SLC30A8: variants seen among roughly 807,000 people sequenced by gnomAD.
The protein encoded by SLC30A8 is solute carrier family 30 member 8.
SLC30A8 carries 27 observed loss-of-function variants against 36.9 expected under a neutral mutation model. The observed-to-expected ratio is 0.73, with a 90% confidence interval of 0.54 to 1.01. The LOEUF (loss-of-function observed/expected upper bound fraction) is 1.01, where lower values mean the gene tolerates loss of function less well. SLC30A8 is among the 50% of genes least tolerant of loss of function. SLC30A8 has a pLI of 0.00. For synonymous variants in SLC30A8, 164 were observed against 172.4 expected (o/e 0.95, Z 0.38); for missense variants, 439 against 452.0 (o/e 0.97, Z 0.26).
At chr8:117,142,254 C>T (rs959280780) in intron 1 of SLC30A8, among the ~76,000 whole-genome samples, 7 of 152,062 alleles carry the variant, frequency 4.6e-5, no homozygotes, top group Non-Finnish European at 8.8e-5. Context: ...TCAAATATGA[C>T]TACTTCTTTC....
chr8:117,020,741 G>A (rs1369371789), intron 1 of SLC30A8, among the ~76,000 whole-genome samples: 3 of 152,084 alleles, frequency 2.0e-5, no homozygotes, highest in Non-Finnish European at 4.4e-5. Context: ...TATTGGTATT[G>A]TATTGTAAGA....
chr8:117,049,892 T>TG (rs902186811), intron 2 of SLC30A8, among the ~76,000 whole-genome samples: 1 of 152,192 alleles, frequency 6.6e-6, no homozygotes, highest in Non-Finnish European at 1.5e-5. Flanking sequence ...TCTCTCACTC[T>TG]GAAAAACAAT....
chr8:117,017,235 ATAT>A (rs1816549546), intron 1 of SLC30A8, among the ~76,000 whole-genome samples: 1 of 152,152 alleles, frequency 6.6e-6, no homozygotes, highest in Non-Finnish European at 1.5e-5. Flanking sequence ...GCTGTTATTA[ATAT>A]TATTATTAAA....
chr8:116,955,952 C>T (rs191861422), intron 1 of SLC30A8, among the ~76,000 whole-genome samples: 3 of 151,790 alleles, frequency 2.0e-5, no homozygotes, highest in African/African-American at 4.8e-5. Flanking sequence ...TTATGGCATC[C>T]GTAGGAAACA....
chr8:116,965,084 G>T (rs2130602508), intron 1 of SLC30A8, among the ~76,000 whole-genome samples: 1 of 152,232 alleles, frequency 6.6e-6, no homozygotes, highest in East Asian at 1.9e-4. Context: ...TTACAGGCGT[G>T]CACCATCATG....
At position 116,974,774 on chromosome 8, in the gene SLC30A8, C is replaced by G. The variant is rs1016477253; in HGVS notation, c.-266+23655C>G. Among the ~76,000 whole-genome samples the G allele has an allele frequency of 2.6e-5, 4 of 151,926 alleles. No homozygotes were observed. The East Asian group carries it at 7.7e-4, about 29-fold the overall frequency. On this transcript the variant is annotated intron_variant, in intron 1 of 10. Transcript: ENST00000427715. ...GTGGCACTATTCACAATAACAGAGACGTAGAACCAACCCAAATGTCCATCA... is the reference window on the plus strand; with the variant it reads ...GTGGCACTATTCACAATAACAGAGAGGTAGAACCAACCCAAATGTCCATCA...
chr8:117,074,164 G>A (rs919869568), intron 2 of SLC30A8, among the ~76,000 whole-genome samples: 1 of 151,030 alleles, frequency 6.6e-6, no homozygotes, highest in East Asian at 2.0e-4. Context: ...ACGCATGCAC[G>A]TTTGTGTGTG....
At chr8:117,153,723 GGTGTGTGTGTGTGTGT>G (rs59464276) in intron 3 of SLC30A8, among the ~76,000 whole-genome samples, 1 of 147,004 alleles carries the variant, frequency 6.8e-6, no homozygotes, top group African/African-American at 2.5e-5. Flanking sequence ...CATGATAAGG[GGTGTGTGTGTGTGTGT>G]GTGTGTGTGT....
At chr8:117,055,126 A>G (rs1817831274) in intron 2 of SLC30A8, among the ~76,000 whole-genome samples, 1 of 152,322 alleles carries the variant, frequency 6.6e-6, no homozygotes, top group East Asian at 1.9e-4. Flanking sequence ...CAGAGCTTGA[A>G]AGTGCGGGGT....
At chr8:117,157,248 T>C (rs1822540221) in intron 3 of SLC30A8, among the ~76,000 whole-genome samples, 1 of 152,190 alleles carries the variant, frequency 6.6e-6, no homozygotes, top group Admixed American at 6.5e-5. Context: ...TTTCACTATT[T>C]TATTCCATTG....
intron 1 of SLC30A8, among the ~76,000 whole-genome samples, chr8:117,010,590 A>T (rs569089512): frequency 2.0e-5 from 3 of 152,328 alleles, no homozygotes; most frequent in Admixed American, 2.0e-4. Flanking sequence ...TTCTACATTC[A>T]CAGATGTAAT....
intron 2 of SLC30A8, among the ~76,000 whole-genome samples, chr8:117,152,639 TCTC>T (rs1472111759): frequency 6.6e-6 from 1 of 152,186 alleles, no homozygotes; most frequent in African/African-American, 2.4e-5. Flanking sequence ...TCTCTTGTAT[TCTC>T]CTCTTTTGAA....
At chr8:116,982,546 A>G (rs1193514816) in intron 1 of SLC30A8, among the ~76,000 whole-genome samples, 1 of 152,188 alleles carries the variant, frequency 6.6e-6, no homozygotes, top group African/African-American at 2.4e-5. Context: ...AGATTAATAA[A>G]AGCAAATAAG....
At chr8:117,009,682 G>A (rs1400221012) in intron 1 of SLC30A8, among the ~76,000 whole-genome samples, 1 of 152,174 alleles carries the variant, frequency 6.6e-6, no homozygotes, top group Non-Finnish European at 1.5e-5. Flanking sequence ...GATAAATTCA[G>A]GCTGTTTATC....
In SLC30A8 at chr8:117,176,488, A is replaced by T. The variant is rs537788241; in HGVS notation, c.*3807A>T. ...CCAAGCAAATGTCATCTCTGAATAC[A>T]CACATCCCAAGCTTTACAAATCCTG... On this transcript the variant is annotated 3_prime_UTR_variant, in exon 8 of 8. Transcript: ENST00000456015. 2 of 152,580 alleles carry T rather than the reference A, an allele frequency of 1.3e-5. No individual in the cohort carries two copies. The highest frequency in any genetic ancestry group is 3.9e-4 in the East Asian group (2 of 5,152). The allele number at this position is 152,580 out of a possible 1,614,324, so 9.5% of individuals were successfully genotyped here.
chr8:117,030,941 A>T (rs928589754), intron 1 of SLC30A8, among the ~76,000 whole-genome samples: 2 of 152,194 alleles, frequency 1.3e-5, no homozygotes, highest in South Asian at 4.1e-4. Flanking sequence ...CAAGAGAAAC[A>T]ATCTATTTAA....
At chr8:117,154,331 AATATTTTGTGC>A (rs1487725009) in intron 3 of SLC30A8, among the ~76,000 whole-genome samples, 2 of 151,856 alleles carry the variant, frequency 1.3e-5, no homozygotes, top group East Asian at 3.9e-4. Flanking sequence ...GTTCCGGCTG[AATATTTTGTGC>A]AAATCATGTG....
chr8:117,103,501 G>T (rs182658824), intron 2 of SLC30A8, among the ~76,000 whole-genome samples: 6 of 151,102 alleles, frequency 4.0e-5, no homozygotes, highest in Admixed American at 3.3e-4. Flanking sequence ...TTGAGACAGG[G>T]TCTCACTCTG....
Position 117,122,541 on chromosome 8 carries a change from C to T in SLC30A8, c.-225-12739C>T, listed in dbSNP as rs544402587. ...ACTTTTCCCTCTCCTTGTCTGTTCT[C>T]TTCATTGCTTCCAAGAGCTGGGCTT... On this transcript the variant is annotated intron_variant, in intron 2 of 10. Coordinates refer to the SLC30A8 transcript ENST00000427715. Among the ~76,000 whole-genome samples, 5 of 152,124 alleles carry T rather than the reference C, an allele frequency of 3.3e-5. No homozygotes were observed. The South Asian group carries it at 1.0e-3, about 32-fold the overall frequency.
Sources: allele counts gnomAD v4.1 joint callset (sites outside exome capture counted in the v4.1 genomes callset), GRCh38; gene constraint gnomAD v4.1.1; transcripts MANE v1.5; gene names NCBI Gene and HGNC (gene_info 2026-07-23, HGNC 2026-07-21).